The following GALNT17 variants were observed in gnomAD, a reference collection of about 807,000 sequenced individuals.
GALNT17 encodes the protein polypeptide N-acetylgalactosaminyltransferase 17.
GALNT17 carries 29 observed loss-of-function variants against 63.7 expected under a neutral mutation model. The observed-to-expected ratio is 0.46, with a 90% CI of 0.34 to 0.62. The LOEUF is 0.62. GALNT17 is among the 20% of genes least tolerant of loss of function. The pLI is 0.01. For synonymous variants in GALNT17, 305 were observed against 318.3 expected (o/e 0.96, Z 0.45); for missense variants, 603 against 799.6 (o/e 0.75, Z 2.97).
chr7:71,266,153 T>C (rs757882195), intron 1 of GALNT17, among the ~76,000 whole-genome samples: 1 of 152,168 alleles, frequency 6.6e-6, no homozygotes, highest in Non-Finnish European at 1.5e-5. Flanking sequence ...GTATACCTCT[T>C]ATAAGGACTC....
intron 2 of GALNT17, among the ~76,000 whole-genome samples, chr7:71,369,660 A>G (rs1191066587): frequency 6.6e-6 from 1 of 152,020 alleles, no homozygotes; most frequent in Non-Finnish European, 1.5e-5. Context: ...TAAAAATACA[A>G]CAGTTAGCCC....
chr7:71,227,174 CAAAAAAAAAAAAAAA>C (rs58450619), intron 1 of GALNT17, among the ~76,000 whole-genome samples: 4 of 60,816 alleles, frequency 6.6e-5, no homozygotes, highest in Admixed American at 3.1e-4. Context: ...ACCGTCTCTA[CAAAAAAAAAAAAAAA>C]AAAAAAAAAA....
At chr7:71,529,823 A>G (rs527475322) in intron 5 of GALNT17, among the ~76,000 whole-genome samples, 8 of 152,222 alleles carry the variant, frequency 5.3e-5, no homozygotes, top group Non-Finnish European at 1.0e-4. Flanking sequence ...AATTTTAGTT[A>G]TGTTTACTTC....
chr7:71,367,147 T>C (rs1404354171), intron 2 of GALNT17, among the ~76,000 whole-genome samples: 3 of 152,222 alleles, frequency 2.0e-5, no homozygotes, highest in Non-Finnish European at 4.4e-5. Context: ...TCTTTGACCC[T>C]GGATTCCTTC....
At chr7:71,698,728 A>C (rs2117108135) in intron 9 of GALNT17, among the ~76,000 whole-genome samples, 1 of 152,254 alleles carries the variant, frequency 6.6e-6, no homozygotes, top group East Asian at 1.9e-4. Context: ...ACAAACAGAA[A>C]GCACAAAGAG....
intron 1 of GALNT17, among the ~76,000 whole-genome samples, chr7:71,312,054 G>A (rs1242617819): frequency 6.6e-6 from 1 of 152,226 alleles, no homozygotes; most frequent in Non-Finnish European, 1.5e-5. Context: ...GCCCCTGGCT[G>A]TGGCAACACC....
At position 71,197,270 on chromosome 7, in the gene GALNT17, G is replaced by T. The variant is rs28830240; in HGVS notation, c.238+64230G>T. ...GCTGGAGTGCAGTGGCGCGATCTCCGCTCACTGCAAACTCCGCCTCCTGGT... is the reference window on the plus strand; with the variant it reads ...GCTGGAGTGCAGTGGCGCGATCTCCTCTCACTGCAAACTCCGCCTCCTGGT... On this transcript the variant is annotated intron_variant, in intron 1 of 10. Transcript: ENST00000333538. Among the ~76,000 whole-genome samples the T allele has an allele frequency of 1.1e-4, 15 of 130,698 alleles. No individual in the cohort carries two copies. In the East Asian group the frequency reaches 3.6e-3, roughly 32 times the overall value. 85.7% of individuals were successfully genotyped at this position (130,698 alleles called of 152,430 possible). A position where few individuals can be genotyped will look rare whatever the true frequency, so the allele number is the denominator to read the frequency against.
intron 1 of GALNT17, among the ~76,000 whole-genome samples, chr7:71,243,891 G>A (rs979843847): frequency 2.6e-5 from 4 of 152,188 alleles, no homozygotes; most frequent in African/African-American, 9.7e-5. Context: ...TCATGATGTC[G>A]TTGGCAGGAT....
chr7:71,504,327 G>A (rs1001875744), intron 5 of GALNT17, among the ~76,000 whole-genome samples: 3 of 151,904 alleles, frequency 2.0e-5, no homozygotes, highest in African/African-American at 4.8e-5. Flanking sequence ...CCTGGGTTGC[G>A]GAGGTTGCAG....
intron 5 of GALNT17, among the ~76,000 whole-genome samples, chr7:71,437,734 A>G (rs1563092710): frequency 1.3e-5 from 2 of 152,146 alleles, no homozygotes. Context: ...AAATTTTTTG[A>G]GACAGGGTCT....
At chr7:71,606,963 C>A (rs921237187) in intron 6 of GALNT17, among the ~76,000 whole-genome samples, 2 of 152,144 alleles carry the variant, frequency 1.3e-5, no homozygotes, top group African/African-American at 4.8e-5. Context: ...TGGTCAGAAA[C>A]AAATGGCCCA....
At chr7:71,198,280 C>T (rs1261955336) in intron 1 of GALNT17, among the ~76,000 whole-genome samples, 1 of 151,746 alleles carries the variant, frequency 6.6e-6, no homozygotes, top group Non-Finnish European at 1.5e-5. Context: ...CACATAGTGG[C>T]CCCCAACAAA....
In GALNT17 at chr7:71,548,613, G is replaced by C. The variant is rs146041397; in HGVS notation, c.963-22672G>C. 3.8e-4 allele frequency among the ~76,000 whole-genome samples: 58 copies of C among 152,346 alleles called. 2 individuals carry two copies. Among genetic ancestry groups the C allele is most frequent in the Middle Eastern group, 6.8e-3 (2 of 294 alleles). On this transcript the variant is annotated intron_variant, in intron 5 of 10. Transcript: ENST00000333538. ...CATACACTCTCTTGCCTGCCACCAT[G>C]TAAGACATGTCTTTGCTCCTCCTTC...
chr7:71,381,928 G>A (rs951892798), intron 2 of GALNT17, among the ~76,000 whole-genome samples: 1 of 152,194 alleles, frequency 6.6e-6, no homozygotes, highest in African/African-American at 2.4e-5. Context: ...GGGTGGTTCT[G>A]TCTAGAGCTG....
At chr7:71,376,688 A>G (rs112495910) in intron 2 of GALNT17, among the ~76,000 whole-genome samples, 1,933 of 152,050 alleles carry the variant, frequency 0.013, 21 homozygotes, top group Non-Finnish European at 0.018. Flanking sequence ...ACAGTGGCCC[A>G]CGCATGTAAT....
intron 1 of GALNT17, among the ~76,000 whole-genome samples, chr7:71,290,815 C>T (rs118114291): frequency 0.01 from 1,597 of 152,204 alleles, 12 homozygotes; most frequent in Middle Eastern, 0.02. Context: ...TCCAGAGAGC[C>T]GTGTTTGTTT....
chr7:71,589,088 G>A lies in GALNT17; in HGVS notation c.1080+17686G>A, dbSNP rs181961179. 3.6e-3 allele frequency among the ~76,000 whole-genome samples: 549 copies of A among 152,230 alleles called. 3 individuals carry two copies. The highest frequency in any genetic ancestry group is 0.012 in the African/African-American group (498 of 41,538). On this transcript the variant is annotated intron_variant, in intron 6 of 10. Coordinates refer to ENST00000333538, the MANE Select transcript of GALNT17 (RefSeq NM_022479.3). ...TAGCAGAGAACAGAATGGACTGCTC[G>A]GAGAAGGAAAGAGAAGCCACAATGA...
chr7:71,289,806 G>A (rs922498046), intron 1 of GALNT17, among the ~76,000 whole-genome samples: 2 of 152,108 alleles, frequency 1.3e-5, no homozygotes, highest in Admixed American at 6.5e-5. Context: ...TTGAAAGGGG[G>A]AGGCGGAGGT....
chr7:71,325,139 T>C (rs1232055245), intron 1 of GALNT17, among the ~76,000 whole-genome samples: 1 of 152,204 alleles, frequency 6.6e-6, no homozygotes, highest in African/African-American at 2.4e-5. Flanking sequence ...CAGGAGTACA[T>C]TGAAATTGGC....
Sources: gnomAD v4.1 joint callset for allele counts (sites outside exome capture counted in the v4.1 genomes callset) on GRCh38, gnomAD v4.1.1 for gene constraint, MANE v1.5 for transcripts, NCBI Gene and HGNC (gene_info 2026-07-23, HGNC 2026-07-21) for gene names.